The following ESR1 variants were observed in gnomAD, a reference collection of about 807,000 sequenced individuals.
The protein encoded by ESR1 is estrogen receptor 1.
In ESR1, 12 loss-of-function variants were observed where a neutral mutation model predicts 52.7. That is an observed-to-expected ratio of 0.23 (90% confidence interval 0.15 to 0.37). The LOEUF (loss-of-function observed/expected upper bound fraction) is 0.37. Among genes scored for constraint, ESR1 ranks in the 10% least tolerant of loss-of-function variants. The probability of loss-of-function intolerance (pLI) is 1.00; values close to 1 mark genes in which losing one functional copy is unlikely to be tolerated. For synonymous variants in ESR1, 305 were observed against 316.8 expected, an observed-to-expected ratio of 0.96 and a Z score of 0.39; for missense variants, 584 against 779.7, an observed-to-expected ratio of 0.75 and a Z score of 2.99.
chr6:151,757,725 C>T (rs1382139790), intron 2 of ESR1, among the ~76,000 whole-genome samples: 4 of 152,168 alleles, frequency 2.6e-5, no homozygotes, highest in African/African-American at 9.7e-5. Context: ...GCTACTAGAA[C>T]CAAGATGAAA....
At chr6:151,799,672 A>G (rs1027007108), upstream of ESR1, among the ~76,000 whole-genome samples, 1 of 152,232 alleles carries the variant, frequency 6.6e-6, no homozygotes, top group African/African-American at 2.4e-5. Flanking sequence ...ATCCAACAGC[A>G]TGATAAGTAG....
intron 3 of ESR1, among the ~76,000 whole-genome samples, chr6:151,940,894 T>A (rs1185507217): frequency 6.6e-6 from 1 of 152,250 alleles, no homozygotes; most frequent in Non-Finnish European, 1.5e-5. Context: ...ACAAATACTT[T>A]GATAAAATAT....
At chr6:152,118,793 T>C (rs1459005058) in intron 6 of ESR1, among the ~76,000 whole-genome samples, 1 of 151,434 alleles carries the variant, frequency 6.6e-6, no homozygotes, top group Non-Finnish European at 1.5e-5. Context: ...AAAATAAAAA[T>C]AAAACAAACA....
chr6:151,898,076 G>T (rs572947777), intron 3 of ESR1, among the ~76,000 whole-genome samples: 2 of 152,182 alleles, frequency 1.3e-5, no homozygotes, highest in South Asian at 4.2e-4. Flanking sequence ...TAACTTGATG[G>T]GTTTTCCTTT....
At chr6:152,072,825 A>T (rs1265032630) in intron 6 of ESR1, among the ~76,000 whole-genome samples, 1 of 152,256 alleles carries the variant, frequency 6.6e-6, no homozygotes, top group Non-Finnish European at 1.5e-5. Flanking sequence ...TGCAAAATTC[A>T]CTTTCATCTT....
At chr6:151,790,155 G>C (rs1241910942) in intron 2 of ESR1, among the ~76,000 whole-genome samples, 1 of 152,180 alleles carries the variant, frequency 6.6e-6, no homozygotes. Flanking sequence ...TCCTATTGAA[G>C]TCATCTGTCC....
intron 2 of ESR1, among the ~76,000 whole-genome samples, chr6:151,764,735 C>A (rs963388789): frequency 6.6e-6 from 1 of 152,126 alleles, no homozygotes; most frequent in African/African-American, 2.4e-5. Context: ...CACTGAAGAC[C>A]GAACGAGATC....
intron 2 of ESR1, among the ~76,000 whole-genome samples, chr6:151,756,940 G>A (rs1057083159): frequency 7.9e-5 from 12 of 152,076 alleles, no homozygotes; most frequent in African/African-American, 2.4e-4. Flanking sequence ...CAGTGAGCCG[G>A]CATTGAGCCA....
chr6:151,732,935 C>A (rs1023898049), intron 2 of ESR1, among the ~76,000 whole-genome samples: 1 of 152,136 alleles, frequency 6.6e-6, no homozygotes, highest in East Asian at 1.9e-4. Flanking sequence ...GTCCACATAC[C>A]CTGTGCTCCA....
intron 4 of ESR1, among the ~76,000 whole-genome samples, chr6:151,998,225 G>A (rs1230667810): frequency 6.6e-6 from 1 of 152,018 alleles, no homozygotes; most frequent in Non-Finnish European, 1.5e-5. Context: ...ATCCCCATTG[G>A]GGTGGCAGTG....
intron 2 of ESR1, among the ~76,000 whole-genome samples, chr6:151,874,913 C>A (rs1334270406): frequency 2.6e-5 from 4 of 152,108 alleles, no homozygotes; most frequent in Non-Finnish European, 5.9e-5. Context: ...TTAAAACACA[C>A]TATGAAAACA....
intron 4 of ESR1, among the ~76,000 whole-genome samples, chr6:151,998,031 C>G (rs1438610105): frequency 6.6e-6 from 1 of 152,046 alleles, no homozygotes; most frequent in Non-Finnish European, 1.5e-5. Context: ...TTTCATGTTA[C>G]TTATTATCTC....
chr6:151,984,348 A>C (rs2040254599), intron 4 of ESR1, among the ~76,000 whole-genome samples: 1 of 152,080 alleles, frequency 6.6e-6, no homozygotes, highest in African/African-American at 2.4e-5. Context: ...ACTTTCATAA[A>C]ATGGTAAGAT....
At chr6:151,990,905 A>G (rs1415326405) in intron 4 of ESR1, among the ~76,000 whole-genome samples, 1 of 152,224 alleles carries the variant, frequency 6.6e-6, no homozygotes, top group Non-Finnish European at 1.5e-5. Flanking sequence ...GGGAATAGAT[A>G]AGATTATCTA....
chr6:151,869,566 A>G (rs2128306771), intron 2 of ESR1, among the ~76,000 whole-genome samples: 1 of 152,254 alleles, frequency 6.6e-6, no homozygotes, highest in East Asian at 1.9e-4. Flanking sequence ...CAGGTGCTTA[A>G]AACAATTGTG....
At chr6:151,810,927 A>G (rs1459115636) in intron 1 of ESR1, 2 of 152,118 alleles carry the variant, frequency 1.3e-5, no homozygotes, top group African/African-American at 4.8e-5. Context: ...GATTGTCTTC[A>G]TTTTCCCCTT....
chr6:151,723,667 G>A (rs920011543), intron 2 of ESR1, among the ~76,000 whole-genome samples: 39 of 152,196 alleles, frequency 2.6e-4, no homozygotes, highest in Admixed American at 5.2e-4. Context: ...TCAGGAGTTC[G>A]AGACCAGTCT....
At chr6:151,815,704 C>A (rs571087261) in intron 1 of ESR1, among the ~76,000 whole-genome samples, 1 of 152,192 alleles carries the variant, frequency 6.6e-6, no homozygotes, top group Non-Finnish European at 1.5e-5. Context: ...GACTTACTGA[C>A]GTTTATTTGT....
chr6:151,691,138 G>A (rs1432800856), intron 1 of ESR1, among the ~76,000 whole-genome samples: 2 of 152,202 alleles, frequency 1.3e-5, no homozygotes, highest in Non-Finnish European at 2.9e-5. Context: ...ATGTGAATAA[G>A]CCATTATTTG....
Sources: allele counts gnomAD v4.1 joint callset (sites outside exome capture counted in the v4.1 genomes callset), GRCh38; gene constraint gnomAD v4.1.1; transcripts MANE v1.5; gene names NCBI Gene and HGNC (gene_info 2026-07-23, HGNC 2026-07-21).